The following RELL1 variants were observed in gnomAD, a reference collection of about 807,000 sequenced individuals.
The protein encoded by RELL1 is RELT-like protein 1.
In RELL1, 10 loss-of-function variants were observed where a neutral mutation model predicts 23.0. The observed-to-expected ratio is 0.43, with a 90% CI of 0.27 to 0.74. The LOEUF (loss-of-function observed/expected upper bound fraction) is 0.74. Among genes scored for constraint, RELL1 ranks in the 30% least tolerant of loss-of-function variants. The probability of loss-of-function intolerance (pLI) is 0.19; values close to 1 mark genes in which losing one functional copy is unlikely to be tolerated. For missense variants in RELL1, 315 were observed against 364.4 expected (o/e 0.86, Z 1.10); for synonymous variants, 146 against 146.8 (o/e 0.99, Z 0.04).
intron 1 of RELL1, among the ~76,000 whole-genome samples, chr4:37,651,589 G>A: frequency 6.6e-6 from 1 of 152,196 alleles, no homozygotes. Context: ...TGCCCAGGCA[G>A]ACAGGGTTGG....
chr4:37,612,901 T>C lies in RELL1; in HGVS notation c.*445A>G, dbSNP rs917352978. On this transcript the variant is annotated 3_prime_UTR_variant, in exon 7 of 7. Transcript: ENST00000454158. ...GATCTTCTTACAACCAGTGTCAAAA[T>C]AGGATGCAGGAACTGGAAAAAGAAA... 6.6e-6 allele frequency: 1 copy of C among 152,118 alleles called. No individual in the cohort carries two copies. Among genetic ancestry groups the C allele is most frequent in the Non-Finnish European group, 1.5e-5 (1 of 68,048 alleles). 9.4% of individuals were successfully genotyped at this position (152,118 alleles called of 1,614,324 possible).
Position 37,635,098 on chromosome 4 carries a change from T to A in RELL1, c.469A>T (p.Ser157Cys). Reference sequence around the variant, plus strand: ...AAAGGCCCAGGACTCACTGGCGGGCTCCCTGGTGTGCTGGGGGTCACGGGG... The same window carrying A: ...AAAGGCCCAGGACTCACTGGCGGGCACCCTGGTGTGCTGGGGGTCACGGGG... The part of the protein sequence containing the change: ...ESPVTPSTPG[S>C]PPVSPGPLSP... Residue 157 changes from serine (S) to cysteine (C), a missense_variant, in exon 5 of 7, where the codon AGC becomes TGC. Coordinates refer to ENST00000454158, the MANE Select transcript of RELL1 (RefSeq NM_001085400.2). The A allele has an allele frequency of 1.2e-6, 2 of 1,614,086 alleles. No individual in the cohort carries two copies. Among genetic ancestry groups the A allele is most frequent in the Non-Finnish European group, 1.7e-6 (2 of 1,180,016 alleles).
At chr4:37,683,797 TGCGG>T (rs1282766019) in intron 1 of RELL1, among the ~76,000 whole-genome samples, 1 of 138,466 alleles carries the variant, frequency 7.2e-6, no homozygotes, top group Non-Finnish European at 1.6e-5. Context: ...CAAATAAAAA[TGCGG>T]CCGGGCGCGG....
downstream of RELL1, among the ~76,000 whole-genome samples, chr4:37,606,126 G>T (rs1719212237): frequency 7.5e-6 from 1 of 133,640 alleles, no homozygotes; most frequent in East Asian, 2.2e-4. This position sits in a 1 kb window ranked among gnomAD's most constrained non-coding sequence, Gnocchi z 4.1. Context: ...GGAGAAGGAG[G>T]AGGAGAAGGA....
exon 7 of RELL1, chr4:37,590,828 A>G: frequency 1.2e-6 from 2 of 1,614,240 alleles, no homozygotes. Flanking sequence ...TTTAATGAGA[A>G]GGGTCCTGTT....
intron 6 of RELL1, among the ~76,000 whole-genome samples, chr4:37,616,044 G>A (rs561088879): frequency 3.6e-4 from 55 of 152,190 alleles, no homozygotes; most frequent in Admixed American, 1.4e-3. Context: ...GAGCCTAAGC[G>A]GATTAATGAA....
intron 6 of RELL1, among the ~76,000 whole-genome samples, chr4:37,600,780 C>CATGTGTGTGT (rs71600512): frequency 2.0e-5 from 3 of 147,680 alleles, no homozygotes; most frequent in South Asian, 2.2e-4. Context: ...TGGATTTGTG[C>CATGTGTGTGT]GTGTGTGTGT....
At chr4:37,590,172 T>A (rs6852908), downstream of RELL1, 257 of 1,614,158 alleles carry the variant, frequency 1.6e-4, no homozygotes, top group African/African-American at 3.1e-3. Flanking sequence ...ACGACACTGA[T>A]AAATTAAAAG....
At chr4:37,629,769 C>T (rs1720060344) in intron 6 of RELL1, among the ~76,000 whole-genome samples, 1 of 152,206 alleles carries the variant, frequency 6.6e-6, no homozygotes, top group African/African-American at 2.4e-5. Flanking sequence ...AGAGCACCTT[C>T]AACCCTCTGA....
intron 4 of RELL1, among the ~76,000 whole-genome samples, chr4:37,636,982 G>C (rs1429600310): frequency 6.6e-6 from 1 of 152,174 alleles, no homozygotes; most frequent in Non-Finnish European, 1.5e-5. Flanking sequence ...AAAACACAAA[G>C]CAGTACCTTC....
Position 37,655,602 on chromosome 4 carries a change from C to T in RELL1, c.89-6102G>A, listed in dbSNP as rs75217293. Among the ~76,000 whole-genome samples the T allele has an allele frequency of 1.1e-3, 160 of 152,344 alleles. 1 individual carries two copies. The East Asian group carries it at 0.029, about 27-fold the overall frequency. On this transcript the variant is annotated intron_variant, in intron 1 of 6. Coordinates refer to ENST00000454158, the MANE Select transcript of RELL1 (RefSeq NM_001085400.2). ...AGGAGGAAACTTTGCTGACACATTCCTCTTGGACTTCTCTGTTGCTGAAAC... is the reference window on the plus strand; with the variant it reads ...AGGAGGAAACTTTGCTGACACATTCTTCTTGGACTTCTCTGTTGCTGAAAC...
chr4:37,591,251 A>G (rs1209030580), intron 6 of RELL1: 11 of 382,740 alleles, frequency 2.9e-5, no homozygotes, highest in African/African-American at 1.8e-4. Flanking sequence ...CATTGTGCCC[A>G]TATCCACAGA....
downstream of RELL1, among the ~76,000 whole-genome samples, chr4:37,607,296 A>G (rs1223471022): frequency 2.0e-5 from 3 of 152,206 alleles, no homozygotes; most frequent in Non-Finnish European, 1.5e-5. Context: ...TTAGTTTTTT[A>G]GTTGTGATCA....
intron 6 of RELL1, among the ~76,000 whole-genome samples, chr4:37,596,919 T>C (rs1478406180): frequency 6.6e-6 from 1 of 151,228 alleles, no homozygotes; most frequent in Non-Finnish European, 1.5e-5. Flanking sequence ...CAGCTAATTC[T>C]GTATTTTTAC....
downstream of RELL1, chr4:37,590,532 A>C (rs1162341311): frequency 6.2e-7 from 1 of 1,614,078 alleles, no homozygotes; most frequent in Non-Finnish European, 8.5e-7. Flanking sequence ...AAGTCATGAG[A>C]AATGGAGACT....
chr4:37,606,157 AAAAG>A (rs1411209954), downstream of RELL1, among the ~76,000 whole-genome samples: 4 of 150,216 alleles, frequency 2.7e-5, no homozygotes, highest in African/African-American at 7.3e-5. The surrounding 1 kb of genome is among the most constrained non-coding windows in gnomAD (Gnocchi z 4.1). Flanking sequence ...AGAGAGAAAG[AAAAG>A]AAAGAAAAAA....
At position 37,611,613 on chromosome 4, in the gene RELL1, G is replaced by A. The variant is rs886404835; in HGVS notation, c.*1733C>T. On this transcript the variant is annotated 3_prime_UTR_variant, in exon 7 of 7. Coordinates refer to ENST00000454158, the MANE Select transcript of RELL1 (RefSeq NM_001085400.2). The stretch of plus-strand genomic sequence containing the variant: ...CACCCCCCAACACTGACATGGAGGC[G>A]GGTCTTGGAGACCTTGTAACTGGCC... Among the ~76,000 whole-genome samples the A allele has an allele frequency of 3.9e-5, 6 of 152,010 alleles. No individual in the cohort carries two copies. The highest frequency in any genetic ancestry group is 5.9e-5 in the Non-Finnish European group (4 of 68,018).
chr4:37,672,622 C>T (rs1721870271), intron 1 of RELL1, among the ~76,000 whole-genome samples: 1 of 150,654 alleles, frequency 6.6e-6, no homozygotes, highest in South Asian at 2.1e-4. Flanking sequence ...CTATCCCTCC[C>T]ACCCACCCAG....
chr4:37,642,632 T>A (rs1720567704), intron 3 of RELL1, among the ~76,000 whole-genome samples: 1 of 152,192 alleles, frequency 6.6e-6, no homozygotes, highest in Non-Finnish European at 1.5e-5. Context: ...AATGAGCACC[T>A]TTTGATCACA....
Sources: gnomAD v4.1 joint callset for allele counts (sites outside exome capture counted in the v4.1 genomes callset) on GRCh38, gnomAD v4.1.1 for gene constraint, Gnocchi (gnomAD v3.1) non-coding constraint, MANE v1.5 for transcripts, NCBI Gene and HGNC (gene_info 2026-07-23, HGNC 2026-07-21) for gene names.